The following RFK variants were observed in gnomAD, a reference collection of about 807,000 sequenced individuals.
RFK encodes the protein 0610038L10Rik.
RFK carries 4 observed loss-of-function variants against 17.6 expected under a neutral mutation model. The ratio of observed to expected loss-of-function variants is 0.23; its 90% CI spans 0.11 to 0.52. The LOEUF is 0.52. Among genes scored for constraint, RFK ranks in the 20% least tolerant of loss-of-function variants. The pLI is 0.96. For synonymous variants in RFK, 59 were observed against 63.8 expected (o/e 0.92, Z 0.36); for missense variants, 189 against 187.7 (o/e 1.01, Z -0.04).
chr9:76,389,316 C>G (rs1489739495), intron 2 of RFK, among the ~76,000 whole-genome samples: 1 of 152,164 alleles, frequency 6.6e-6, no homozygotes, highest in African/African-American at 2.4e-5. Flanking sequence ...AACTGTATAA[C>G]TAGCTTCCGC....
rs1189951920 is a variant in RFK at position 76,394,270 on chromosome 9, G to A, written c.-99C>T. The A allele has an allele frequency of 3.2e-6, 4 of 1,238,930 alleles. No individual in the cohort carries two copies. Among genetic ancestry groups the A allele is most frequent in the East Asian group, 2.9e-5 (1 of 34,414 alleles). 76.7% of individuals were successfully genotyped at this position (1,238,930 alleles called of 1,614,324 possible). On this transcript the variant is annotated 5_prime_UTR_variant, in exon 1 of 4. Coordinates refer to ENST00000376736, the MANE Select transcript of RFK (RefSeq NM_018339.6). ...AGACCCCGGACCAGCCGGGGGACAG[G>A]AGCGTGAGCTCTGCCTGCCGCGGGG...
At chr9:76,388,182 C>T (rs1476268122) in intron 3 of RFK, 1 of 461,776 alleles carries the variant, frequency 2.2e-6, no homozygotes, top group Non-Finnish European at 4.3e-6. Flanking sequence ...CTAATACATA[C>T]CTGGTAACAT....
Position 76,394,093 on chromosome 9 carries a change from T to C in RFK, c.79A>G (p.Thr27Ala). 1.2e-6 allele frequency: 2 copies of C among 1,604,780 alleles called. No individual in the cohort carries two copies. The highest frequency in any genetic ancestry group is 1.7e-6 in the Non-Finnish European group (2 of 1,176,962). The change falls in exon 1 of 4, where the codon ACA (threonine) becomes GCA (alanine). Residue 27 changes from threonine (T) to alanine (A), a missense_variant. By Grantham distance (58) the Thr-to-Ala change is moderately conservative (BLOSUM62 0). Coordinates refer to ENST00000376736, the MANE Select transcript of RFK (RefSeq NM_018339.6). Reference sequence around the variant, plus strand: ...ACTCTGGCCGCCCTGCTCTCACCTGTGGGGATGCCCAGCTGCTTGGAGCCG... The same window carrying C: ...ACTCTGGCCGCCCTGCTCTCACCTGCGGGGATGCCCAGCTGCTTGGAGCCG... ...GRGSKQLGIP[T>A]ANFPEQVVDN...
In RFK at chr9:76,388,660, T is replaced by C. The variant is rs775067245; in HGVS notation, c.235-4A>G. The C allele has an allele frequency of 1.3e-6, 2 of 1,564,728 alleles. No individual in the cohort carries two copies. Among genetic ancestry groups the C allele is most frequent in the Non-Finnish European group, 1.8e-6 (2 of 1,136,068 alleles). ...AGGTATGCATGATATGTGTTTCCTA[T>C]AGTCAAGAAATGTTACAAAGAGTGC... On this transcript the variant is annotated splice_polypyrimidine_tract_variant and splice_region_variant and intron_variant, in intron 2 of 3. Transcript: ENST00000376736.
chr9:76,392,969 C>G (rs1169466235), intron 1 of RFK, among the ~76,000 whole-genome samples: 1 of 152,180 alleles, frequency 6.6e-6, no homozygotes, highest in Non-Finnish European at 1.5e-5. Flanking sequence ...TCATTACATT[C>G]ACAAGACTCC....
Position 76,386,438 on chromosome 9 carries a change from T to C in RFK, c.*961A>G, listed in dbSNP as rs1223631716. On this transcript the variant is annotated 3_prime_UTR_variant, in exon 4 of 4. Transcript: ENST00000376736. ...GAAACATTTTGTGTTCTTTAAGAAA[T>C]TGATATGTGTAAATGTGTTCACTTA... 2.0e-5 allele frequency: 3 copies of C among 152,182 alleles called. No homozygotes were observed. Among genetic ancestry groups the C allele is most frequent in the South Asian group, 2.1e-4 (1 of 4,830 alleles). The allele number at this position is 152,182 out of a possible 1,614,324, so 9.4% of individuals were successfully genotyped here.
chr9:76,390,427 G>A (rs954417092), intron 2 of RFK, among the ~76,000 whole-genome samples: 2 of 152,134 alleles, frequency 1.3e-5, no homozygotes, highest in African/African-American at 4.8e-5. Flanking sequence ...ACTTTGGGAG[G>A]CTGAGGCAGG....
In RFK at chr9:76,392,534, C is replaced by G. The variant is rs1587392593; in HGVS notation, c.118G>C (p.Ala40Pro). The stretch of plus-strand genomic sequence containing the variant: ...TAGTAAATACCAGTGGATATATCAG[C>G]TGGAAGATTATCTACCACTTGCTCA... Reference protein sequence around the residue: ...FPEQVVDNLPADISTGIYYGW... With the variant: ...FPEQVVDNLPPDISTGIYYGW... Residue 40 changes from alanine to proline, a missense_variant, in exon 2 of 4, where the codon GCT becomes CCT. Coordinates refer to ENST00000376736, the MANE Select transcript of RFK (RefSeq NM_018339.6). 6.2e-7 allele frequency: 1 copy of G among 1,614,156 alleles called. No individual in the cohort carries two copies. The highest frequency in any genetic ancestry group is 8.5e-7 in the Non-Finnish European group (1 of 1,180,014).
intron 2 of RFK, among the ~76,000 whole-genome samples, chr9:76,390,723 A>AC (rs1470653450): frequency 9.5e-6 from 1 of 105,088 alleles, no homozygotes; most frequent in East Asian, 3.1e-4. Flanking sequence ...AAAAAAAAAA[A>AC]AACCACACAC....
Position 76,387,355 on chromosome 9 carries a change from G to T in RFK, c.*44C>A. On this transcript the variant is annotated 3_prime_UTR_variant, in exon 4 of 4. Coordinates refer to ENST00000376736, the MANE Select transcript of RFK (RefSeq NM_018339.6). ...ATGATGCTGAACAGTAATAAACACA[G>T]AAACACTAGAAAACAGTGAATGAAT... The T allele has an allele frequency of 6.4e-7, 1 of 1,560,450 alleles. No homozygotes were observed. The highest frequency in any genetic ancestry group is 8.7e-7 in the Non-Finnish European group (1 of 1,145,354).
rs1407374864 is a variant in RFK at position 76,394,353 on chromosome 9, G to C, written c.-182C>G. On this transcript the variant is annotated 5_prime_UTR_variant, in exon 1 of 4. Coordinates refer to ENST00000376736, the MANE Select transcript of RFK (RefSeq NM_018339.6). The stretch of plus-strand genomic sequence containing the variant: ...GCCACTGCGAATCCCTGACGCCGCC[G>C]ACCCAACAAATACCGCCGGGCGCCT... The C allele has an allele frequency of 1.9e-6, 1 of 536,524 alleles. No homozygotes were observed. Among genetic ancestry groups the C allele is most frequent in the African/African-American group, 2.0e-5 (1 of 49,274 alleles). The allele number at this position is 536,524 out of a possible 1,614,324, so 33.2% of individuals were successfully genotyped here.
rs1172589272 is a variant in RFK at position 76,394,418 on chromosome 9, G to T, written c.-247C>A. 2 of 442,658 alleles carry T rather than the reference G, an allele frequency of 4.5e-6. No homozygotes were observed. The highest frequency in any genetic ancestry group is 8.0e-6 in the Non-Finnish European group (2 of 250,658). The allele number at this position is 442,658 out of a possible 1,614,324, so 27.4% of individuals were successfully genotyped here. On this transcript the variant is annotated 5_prime_UTR_variant, in exon 1 of 4. Transcript: ENST00000376736. ...CCGCTGGAGGGCAGCGGAGACAGCCGAAGTAAGTGCCGGGTGTGAGCGGGG... is the reference window on the plus strand; with the variant it reads ...CCGCTGGAGGGCAGCGGAGACAGCCTAAGTAAGTGCCGGGTGTGAGCGGGG...
In RFK at chr9:76,386,867, TC is replaced by T. The variant is rs1049363736; in HGVS notation, c.*531del. On this transcript the variant is annotated 3_prime_UTR_variant, in exon 4 of 4. Coordinates refer to ENST00000376736, the MANE Select transcript of RFK (RefSeq NM_018339.6). ...CTATCAACCTTCTATTTAATGCATT[TC>T]CTTTTTTTTTATTTATAGAGATGGA... 6.6e-6 allele frequency: 1 copy of T among 152,164 alleles called. No individual in the cohort carries two copies. Among genetic ancestry groups the T allele is most frequent in the African/African-American group, 2.4e-5 (1 of 41,428 alleles). 9.4% of individuals were successfully genotyped at this position (152,164 alleles called of 1,614,324 possible).
Position 76,386,856 on chromosome 9 carries a change from T to C in RFK, c.*543A>G, listed in dbSNP as rs1408168503. On this transcript the variant is annotated 3_prime_UTR_variant, in exon 4 of 4. Coordinates refer to ENST00000376736, the MANE Select transcript of RFK (RefSeq NM_018339.6). ...TTTATGATAAACTATCAACCTTCTATTTAATGCATTTCCTTTTTTTTTATT... is the reference window on the plus strand; with the variant it reads ...TTTATGATAAACTATCAACCTTCTACTTAATGCATTTCCTTTTTTTTTATT... 6.6e-6 allele frequency: 1 copy of C among 152,196 alleles called. No homozygotes were observed. The highest frequency in any genetic ancestry group is 1.9e-4 in the East Asian group (1 of 5,192). The allele number at this position is 152,196 out of a possible 1,614,324, so 9.4% of individuals were successfully genotyped here.
intron 3 of RFK, chr9:76,387,970 T>C (rs13296425): frequency 0.043 from 11,347 of 263,798 alleles, 335 homozygotes; most frequent in Non-Finnish European, 0.06. Context: ...CACTCCAGCC[T>C]GGGTAACAAA....
At chr9:76,389,860 A>G (rs1369554969) in intron 2 of RFK, among the ~76,000 whole-genome samples, 1 of 152,222 alleles carries the variant, frequency 6.6e-6, no homozygotes, top group Non-Finnish European at 1.5e-5. Context: ...CAAACTTCCC[A>G]AAGTAATCTA....
At chr9:76,391,358 A>C (rs1822818038) in intron 2 of RFK, among the ~76,000 whole-genome samples, 1 of 152,198 alleles carries the variant, frequency 6.6e-6, no homozygotes, top group Non-Finnish European at 1.5e-5. Flanking sequence ...TAACAGATAA[A>C]ACACTGAAGT....
intron 2 of RFK, 146 bp from the exon 3 acceptor site, chr9:76,388,802 C>T: frequency 1.8e-6 from 1 of 544,844 alleles, no homozygotes. Flanking sequence ...AATCTAAGTG[C>T]AGTTTTTCCT....
chr9:76,394,144 C>G lies in RFK; in HGVS notation c.28G>C (p.Gly10Arg). The change falls in exon 1 of 4, where the codon GGT becomes CGT. Residue 10 changes from glycine to arginine, a missense_variant. By Grantham distance (125) the Gly-to-Arg change is moderately radical (BLOSUM62 -2). This residue lies in a region of RFK where 90 missense variants were observed against 75.4 expected (regional missense o/e 1.19). Transcript: ENST00000376736. MRHLPYFCR[G>R]QVVRGFGRGS... The stretch of plus-strand genomic sequence containing the variant: ...CGGCCGAAGCCCCGCACCACTTGAC[C>G]CCGGCAGAAGTAAGGCAGGTGCCTC... 5 of 1,609,506 alleles carry G rather than the reference C, an allele frequency of 3.1e-6. No homozygotes were observed. The highest frequency in any genetic ancestry group is 4.2e-6 in the Non-Finnish European group (5 of 1,178,818).
Sources: gnomAD v4.1 joint callset for allele counts (sites outside exome capture counted in the v4.1 genomes callset) on GRCh38, gnomAD v4.1.1 for gene constraint, gnomAD v4.1.1 regional missense constraint, MANE v1.5 for transcripts, NCBI Gene and HGNC (gene_info 2026-07-23, HGNC 2026-07-21) for gene names.